The following SMC2 variants were observed in gnomAD, a reference collection of about 807,000 sequenced individuals.
SMC2 encodes the protein structural maintenance of chromosomes 2.
SMC2 carries 41 observed loss-of-function variants against 142.6 expected under a neutral mutation model. That is an observed-to-expected ratio of 0.29 (90% CI 0.22 to 0.37). The LOEUF is 0.37. Among genes scored for constraint, SMC2 ranks in the 10% least tolerant of loss-of-function variants. The pLI, the probability that SMC2 is intolerant of heterozygous loss-of-function variation, is 1.00. For missense variants in SMC2, 1,265 were observed against 1,373.7 expected (o/e 0.92, Z 1.25); for synonymous variants, 463 against 457.5 (o/e 1.01, Z -0.15).
intron 23 of SMC2, among the ~76,000 whole-genome samples, chr9:104,136,449 T>C (rs1242695900): frequency 2.0e-5 from 3 of 152,164 alleles, no homozygotes; most frequent in Admixed American, 2.0e-4. Context: ...GCCGAAGCCC[T>C]AGAAAATGTT....
At chr9:104,131,819 A>T in intron 21 of SMC2, among the ~76,000 whole-genome samples, 190 bp from the exon 22 acceptor site, 1 of 152,014 alleles carries the variant, frequency 6.6e-6, no homozygotes, top group East Asian at 1.9e-4. Flanking sequence ...GAGTGTGTAT[A>T]TACACACACA....
rs368804202 is a variant in SMC2 at position 104,098,410 on chromosome 9, G to T, written c.319-36G>T. ...GTTTATCCTAGCACAAGGTGTGCAT[G>T]TACATTAATATTTAAAAAATTGCTT... On this transcript the variant is annotated intron_variant, in intron 3 of 24. Coordinates refer to ENST00000374793, the MANE Select transcript of SMC2 (RefSeq NM_006444.3). 4.6e-6 allele frequency: 7 copies of T among 1,531,328 alleles called. No individual in the cohort carries two copies. In the South Asian group the frequency reaches 8.6e-5, roughly 19 times the overall value. The allele number at this position is 1,531,328 out of a possible 1,614,324, so 94.9% of individuals were successfully genotyped here. A position where few individuals can be genotyped will look rare whatever the true frequency, so the allele number is the denominator to read the frequency against.
At chr9:104,119,935 C>G in intron 15 of SMC2, 92 bp from the exon 16 acceptor site, 1 of 1,179,394 alleles carries the variant, frequency 8.5e-7, no homozygotes, top group Non-Finnish European at 1.2e-6. Context: ...ACTATTGAAT[C>G]AATTTGAGTA....
In SMC2 at chr9:104,127,301, G is replaced by A; in HGVS notation, c.2611G>A (p.Ala871Thr). ...VAKNKESVNK[A>T]QEEVTKQKEV... is the part of the protein sequence containing the mutation. Reference sequence around the variant, plus strand: ...TTTGTTTTAGGAGTCAGTAAATAAAGCTCAAGAAGAGGTGACCAAGCAAAA... The same window carrying A: ...TTTGTTTTAGGAGTCAGTAAATAAAACTCAAGAAGAGGTGACCAAGCAAAA... Residue 871 changes from alanine (A) to threonine (T), a missense_variant, in exon 20 of 25, where the codon GCT (alanine) becomes ACT (threonine). Physicochemically the swap from Ala to Thr is moderately conservative, Grantham distance 58 (BLOSUM62 0). Coordinates refer to ENST00000374793, the MANE Select transcript of SMC2 (RefSeq NM_006444.3). 2 of 1,586,244 alleles carry A rather than the reference G, an allele frequency of 1.3e-6. No homozygotes were observed. The highest frequency in any genetic ancestry group is 1.7e-6 in the Non-Finnish European group (2 of 1,166,600).
intron 24 of SMC2, among the ~76,000 whole-genome samples, chr9:104,138,495 C>T (rs1008293833): frequency 7.2e-5 from 11 of 152,068 alleles, no homozygotes; most frequent in African/African-American, 1.2e-4. Context: ...AAACTGTCTC[C>T]GGGATATTTA....
chr9:104,110,579 TC>T (rs1283869091), intron 9 of SMC2, among the ~76,000 whole-genome samples: 4 of 75,768 alleles, frequency 5.3e-5, no homozygotes, highest in African/African-American at 3.0e-4. Flanking sequence ...GTACTCCAAC[TC>T]CCATGTTTAA....
chr9:104,111,481 C>T (rs2131378997), intron 9 of SMC2, 100 bp from the exon 10 acceptor site: 1 of 667,024 alleles, frequency 1.5e-6, no homozygotes, highest in South Asian at 2.0e-5. Context: ...TATGCTCACT[C>T]CAAATTGCTA....
Position 104,126,788 on chromosome 9 carries a change from G to C in SMC2, c.2595+4G>C. ...AGCTGAGGTGGCTAAAAATAAGGTA[G>C]GATTTATTTATCAAATTCGAGAAAT... On this transcript the variant is annotated splice_donor_region_variant and intron_variant, in intron 19 of 24. Transcript: ENST00000374793. 1 of 1,581,448 alleles carries C rather than the reference G, an allele frequency of 6.3e-7. No homozygotes were observed. Among genetic ancestry groups the C allele is most frequent in the Non-Finnish European group, 8.6e-7 (1 of 1,169,266 alleles).
chr9:104,120,191 A>C (rs1833570493), intron 16 of SMC2, 29 bp downstream of exon 16: 2 of 1,547,134 alleles, frequency 1.3e-6, no homozygotes, highest in Non-Finnish European at 1.7e-6. Flanking sequence ...TTTTTTAATT[A>C]AAGATTTGCA....
intron 9 of SMC2, among the ~76,000 whole-genome samples, chr9:104,107,603 T>G (rs1225225904): frequency 6.6e-6 from 1 of 152,250 alleles, no homozygotes; most frequent in Admixed American, 6.5e-5. Context: ...TATGCTGTGT[T>G]TAGTACCCAA....
At chr9:104,106,070 T>C (rs1020709608) in intron 9 of SMC2, among the ~76,000 whole-genome samples, 3 of 152,198 alleles carry the variant, frequency 2.0e-5, no homozygotes, top group African/African-American at 7.2e-5. Context: ...TAGTCGGATG[T>C]TGGTACCACC....
chr9:104,114,750 G>A lies in SMC2; in HGVS notation c.1592G>A (p.Ser531Asn). 6.2e-7 allele frequency: 1 copy of A among 1,613,106 alleles called. No individual in the cohort carries two copies. Among genetic ancestry groups the A allele is most frequent in the Non-Finnish European group, 8.5e-7 (1 of 1,179,258 alleles). ...AAAGGACTTGTGGCTTCTCTGATTA[G>A]TGTGAAAGACACTTCTGCAACCACA... Reference protein sequence around the residue: ...CVKGLVASLISVKDTSATTAL... With the variant: ...CVKGLVASLINVKDTSATTAL... The change falls in exon 13 of 25, where the codon AGT becomes AAT. Residue 531 changes from serine (S) to asparagine (N), a missense_variant. By Grantham distance (46) the Ser-to-Asn change is conservative. Transcript: ENST00000374793.
the SMC2 span, among the ~76,000 whole-genome samples, chr9:104,088,692 A>G: frequency 6.6e-6 from 1 of 152,140 alleles, no homozygotes; most frequent in African/African-American, 2.4e-5. Flanking sequence ...CATACATTAC[A>G]TTTATCTTCT....
intron 10 of SMC2, 140 bp from the exon 11 acceptor site, chr9:104,113,176 A>T (rs527377917): frequency 6.7e-5 from 36 of 538,610 alleles, no homozygotes; most frequent in African/African-American, 5.0e-4. Context: ...TAATTTGTTG[A>T]AATACTAATC....
intron 9 of SMC2, among the ~76,000 whole-genome samples, chr9:104,108,086 C>A (rs1286345594): frequency 2.0e-5 from 3 of 152,054 alleles, no homozygotes; most frequent in Admixed American, 2.0e-4. Flanking sequence ...CACCAGCACC[C>A]AAAGTGACAC....
Position 104,135,090 on chromosome 9 carries a change from G to T in SMC2, c.3269+515G>T, listed in dbSNP as rs187713905. 2.6e-3 allele frequency among the ~76,000 whole-genome samples: 401 copies of T among 152,148 alleles called. 6 individuals are homozygous for T. Among genetic ancestry groups the T allele is most frequent in the Non-Finnish European group, 3.6e-3 (248 of 67,990 alleles). Reference sequence around the variant, plus strand: ...CTGTTATTTGTTTATCAGAACAAAGGCCAGTGTTCTTTAAAGAAGGTTAAA... The same window carrying T: ...CTGTTATTTGTTTATCAGAACAAAGTCCAGTGTTCTTTAAAGAAGGTTAAA... On this transcript the variant is annotated intron_variant, in intron 23 of 24. Coordinates refer to ENST00000374793, the MANE Select transcript of SMC2 (RefSeq NM_006444.3).
At position 104,138,029 on chromosome 9, in the gene SMC2, C is replaced by T. The variant is rs1229617285; in HGVS notation, c.3281C>T (p.Ala1094Val). ...ELSGGQRSLV[A>V]LSLILSMLLF... is the part of the protein sequence containing the mutation. ...TGACCTTTTCTTAGGTCTTTAGTGG[C>T]CTTGTCATTAATACTGTCCATGCTT... The change falls in exon 24 of 25, where the codon GCC (alanine) becomes GTC (valine). Residue 1094 changes from alanine (A) to valine (V), a missense_variant. This residue lies in a region of SMC2 where 192 missense variants were observed against 261.9 expected (regional missense o/e 0.73). Coordinates refer to ENST00000374793, the MANE Select transcript of SMC2 (RefSeq NM_006444.3). The T allele has an allele frequency of 6.3e-7, 1 of 1,580,984 alleles. No homozygotes were observed. The highest frequency in any genetic ancestry group is 1.2e-5 in the South Asian group (1 of 85,318).
Position 104,094,327 on chromosome 9 carries a change from G to C in SMC2, c.-212G>C. 2.5e-6 allele frequency: 1 copy of C among 398,764 alleles called. No homozygotes were observed. The highest frequency in any genetic ancestry group is 3.6e-5 in the East Asian group (1 of 28,076). The allele number at this position is 398,764 out of a possible 1,614,324, so 24.7% of individuals were successfully genotyped here. A position where few individuals can be genotyped will look rare whatever the true frequency, so the allele number is the denominator to read the frequency against. ...GAAATTCAAAGGAATAAATAGTTCC[G>C]GCGCGGGTGTTGAGAGCGGTGTGGC... On this transcript the variant is annotated 5_prime_UTR_variant, in exon 1 of 25. Coordinates refer to ENST00000374793, the MANE Select transcript of SMC2 (RefSeq NM_006444.3).
Position 104,127,290 on chromosome 9 carries a change from C to T in SMC2, c.2600C>T (p.Ser867Leu), listed in dbSNP as rs11554260. Residue 867 changes from serine to leucine, a missense_variant, in exon 20 of 25, where the codon TCA (serine) becomes TTA (leucine). Ser to Leu is a moderately radical substitution (Grantham distance 145). Around this residue, in one of 4 missense-constraint regions of SMC2, gnomAD observed 898 missense variants for 904.2 expected, o/e 0.99. Transcript: ENST00000374793. ...MAAEVAKNKE[S>L]VNKAQEEVTK... ...TCTTTAATTTTTTTGTTTTAGGAGT[C>T]AGTAAATAAAGCTCAAGAAGAGGTG... 5,830 of 1,563,754 alleles carry T rather than the reference C, an allele frequency of 3.7e-3. 33 individuals are homozygous for T. Among genetic ancestry groups the T allele is most frequent in the South Asian group, 8.9e-3 (742 of 83,380 alleles).
Sources: gnomAD v4.1 joint callset for allele counts (sites outside exome capture counted in the v4.1 genomes callset) on GRCh38, gnomAD v4.1.1 for gene constraint, gnomAD v4.1.1 regional missense constraint, MANE v1.5 for transcripts, NCBI Gene and HGNC (gene_info 2026-07-23, HGNC 2026-07-21) for gene names.